ITGA1: variants seen among roughly 807,000 people sequenced by gnomAD.
ITGA1 encodes the protein integrin subunit alpha 1, also known as integrin alpha-1.
Under a neutral mutation model 145.9 loss-of-function variants are expected in ITGA1, and 85 were observed. The ratio of observed to expected loss-of-function variants is 0.58; its 90% CI spans 0.49 to 0.70. The LOEUF (loss-of-function observed/expected upper bound fraction) is 0.70, where lower values mean the gene tolerates loss of function less well. Ranked by LOEUF, ITGA1 falls within the 30% of genes least tolerant of loss-of-function variation. The probability of loss-of-function intolerance (pLI) is 0.00; values close to 1 mark genes in which losing one functional copy is unlikely to be tolerated. For synonymous variants in ITGA1, 520 were observed against 495.3 expected (o/e 1.05, Z -0.66); for missense variants, 1,351 against 1,418.7 (o/e 0.95, Z 0.77).
Position 52,875,611 on chromosome 5 carries a change from G to A in ITGA1, c.625-6262G>A, listed in dbSNP as rs138229101. ...TTCTGCATGTGACTCCTTATCCCCC[G>A]TGATATTATAAGAAACTGTTCTTTC... On this transcript the variant is annotated intron_variant, in intron 6 of 28. Transcript: ENST00000282588. Among the ~76,000 whole-genome samples the A allele has an allele frequency of 2.9e-3, 439 of 152,156 alleles. 2 individuals are homozygous for A. Among genetic ancestry groups the A allele is most frequent in the African/African-American group, 9.2e-3 (380 of 41,496 alleles).
At chr5:52,916,650 T>C (rs965342191) in intron 15 of ITGA1, among the ~76,000 whole-genome samples, 1 of 150,038 alleles carries the variant, frequency 6.7e-6, no homozygotes, top group Admixed American at 6.6e-5. Context: ...GACTGAAGGG[T>C]GATACCTAAG....
chr5:52,832,146 T>C (rs546493570), intron 1 of ITGA1, among the ~76,000 whole-genome samples: 1 of 152,232 alleles, frequency 6.6e-6, no homozygotes, highest in African/African-American at 2.4e-5. Flanking sequence ...CCCTGCTTCC[T>C]GGAGAGAATC....
chr5:52,879,506 G>T (rs2111800643), intron 6 of ITGA1, among the ~76,000 whole-genome samples: 1 of 152,252 alleles, frequency 6.6e-6, no homozygotes, highest in East Asian at 1.9e-4. Context: ...CCATGGATAT[G>T]TCCCTTAATA....
chr5:52,879,839 A>T (rs1233894206), intron 6 of ITGA1, among the ~76,000 whole-genome samples: 1 of 152,240 alleles, frequency 6.6e-6, no homozygotes, highest in Non-Finnish European at 1.5e-5. Flanking sequence ...AATTGAGCAG[A>T]GTGCATGTTC....
At chr5:52,897,648 A>G in intron 10 of ITGA1, 120 bp downstream of exon 10, 1 of 659,050 alleles carries the variant, frequency 1.5e-6, no homozygotes, top group Non-Finnish European at 2.7e-6. Context: ...ACAATTATGC[A>G]GGCTATGATG....
intron 18 of ITGA1, among the ~76,000 whole-genome samples, chr5:52,924,121 C>A (rs1182514470): frequency 6.6e-6 from 1 of 152,124 alleles, no homozygotes; most frequent in Non-Finnish European, 1.5e-5. Context: ...ATGGGGAATT[C>A]TTTTTCCCCA....
chr5:52,845,388 C>G (rs1749317183), intron 1 of ITGA1, among the ~76,000 whole-genome samples: 1 of 152,056 alleles, frequency 6.6e-6, no homozygotes, highest in African/African-American at 2.4e-5. Flanking sequence ...CTGTGCTTTC[C>G]AAACCTTAAT....
chr5:52,931,434 A>G (rs897424230), intron 21 of ITGA1: 4 of 152,202 alleles, frequency 2.6e-5, no homozygotes, highest in Admixed American at 2.0e-4. Context: ...ACGAGGAAGT[A>G]TGTATATGTG....
intron 7 of ITGA1, 97 bp downstream of exon 7, chr5:52,882,118 A>G (rs2111805254): frequency 3.9e-6 from 4 of 1,030,588 alleles, no homozygotes; most frequent in Non-Finnish European, 5.4e-6. Context: ...TAATATGACA[A>G]TATTTAAAGC....
At chr5:52,937,585 C>T in intron 24 of ITGA1, 71 bp downstream of exon 24, 3 of 892,030 alleles carry the variant, frequency 3.4e-6, no homozygotes, top group Non-Finnish European at 5.5e-6. Flanking sequence ...GCCTTTTGTT[C>T]TGCATGATAC....
rs975702926 is a variant in ITGA1, at chr5:52,947,384, G to C, written c.3418G>C (p.Val1140Leu). 2.3e-5 allele frequency: 37 copies of C among 1,613,478 alleles called. No homozygotes were observed. The highest frequency in any genetic ancestry group is 3.1e-5 in the Non-Finnish European group (37 of 1,179,488). ...ATCCAAAGATGGGCTACCGGGCAGA[G>C]TGCCATTATGGGTCATCCTGCTGAG... ...QISKDGLPGR[V>L]PLWVILLSAF... The change falls in exon 28 of 29, where the codon GTG becomes CTG. Residue 1140 changes from valine to leucine, a missense_variant. Physicochemically the swap from Val to Leu is conservative, Grantham distance 32. Transcript: ENST00000282588.
chr5:52,911,487 A>G, intron 14 of ITGA1, among the ~76,000 whole-genome samples: 1 of 129,842 alleles, frequency 7.7e-6, no homozygotes, highest in East Asian at 2.2e-4. Context: ...TACACTATAT[A>G]TAGTATATAT....
chr5:52,861,663 G>T, intron 3 of ITGA1, 104 bp downstream of exon 3: 1 of 705,848 alleles, frequency 1.4e-6, no homozygotes, highest in Non-Finnish European at 2.5e-6. Flanking sequence ...TTGAGCCCAG[G>T]AGTTTGAGAC....
intron 19 of ITGA1, among the ~76,000 whole-genome samples, chr5:52,927,110 C>T (rs963619353): frequency 2.6e-5 from 4 of 152,098 alleles, no homozygotes; most frequent in African/African-American, 9.7e-5. Flanking sequence ...GATAGAAAAT[C>T]AGTCCCAGAG....
At chr5:52,950,539 T>C (rs1365310143) in intron 28 of ITGA1, among the ~76,000 whole-genome samples, 1 of 152,180 alleles carries the variant, frequency 6.6e-6, no homozygotes, top group Non-Finnish European at 1.5e-5. Context: ...TGAAAGCCAG[T>C]GCTGCAAAGA....
chr5:52,957,023 C>G lies in ITGA1; in HGVS notation c.*4572C>G, dbSNP rs1751315650. Reference sequence around the variant, plus strand: ...TAAGTGGAAGCACTGTTGAACAACACTCTTAGGTGGAATAAGAAAATTAGG... The same window carrying G: ...TAAGTGGAAGCACTGTTGAACAACAGTCTTAGGTGGAATAAGAAAATTAGG... On this transcript the variant is annotated 3_prime_UTR_variant, in exon 29 of 29. Coordinates refer to ENST00000282588, the MANE Select transcript of ITGA1 (RefSeq NM_181501.2). 1 of 152,188 alleles carries G rather than the reference C, an allele frequency of 6.6e-6. No homozygotes were observed. Among genetic ancestry groups the G allele is most frequent in the Admixed American group, 6.5e-5 (1 of 15,288 alleles). The allele number at this position is 152,188 out of a possible 1,614,324, so 9.4% of individuals were successfully genotyped here.
At chr5:52,885,385 C>T (rs1750031163) in intron 7 of ITGA1, among the ~76,000 whole-genome samples, 1 of 152,038 alleles carries the variant, frequency 6.6e-6, no homozygotes, top group Admixed American at 6.6e-5. Context: ...TTCATTAGAA[C>T]AAAAGATACT....
chr5:52,793,296 T>C (rs1748276909), intron 1 of ITGA1, among the ~76,000 whole-genome samples: 1 of 152,102 alleles, frequency 6.6e-6, no homozygotes, highest in South Asian at 2.1e-4. Flanking sequence ...AATTGACTAT[T>C]GACAAACTCA....
intron 5 of ITGA1, 56 bp from the exon 6 acceptor site, chr5:52,865,634 A>G: frequency 2.9e-6 from 4 of 1,397,994 alleles, no homozygotes; most frequent in Non-Finnish European, 2.8e-6. Context: ...AAAGCACTTC[A>G]TATGCCTCTG....
Sources: gnomAD v4.1 joint callset for allele counts (sites outside exome capture counted in the v4.1 genomes callset) on GRCh38, gnomAD v4.1.1 for gene constraint, MANE v1.5 for transcripts, NCBI Gene and HGNC (gene_info 2026-07-23, HGNC 2026-07-21) for gene names.